SPATA13: variants seen among roughly 807,000 people sequenced by gnomAD.
SPATA13 encodes spermatogenesis-associated protein 13.
SPATA13 carries 50 observed loss-of-function variants against 104.0 expected under a neutral mutation model. The observed-to-expected ratio is 0.48, with a 90% CI of 0.38 to 0.61. SPATA13 has a LOEUF of 0.61. Among genes scored for constraint, SPATA13 ranks in the 20% least tolerant of loss-of-function variants. The pLI, the probability that SPATA13 is intolerant of heterozygous loss-of-function variation, is 0.00. For missense variants in SPATA13, 1,524 were observed against 1,690.6 expected (o/e 0.90, Z 1.73); for synonymous variants, 606 against 667.5 (o/e 0.91, Z 1.42).
At chr13:24,071,545 G>A (rs1455063508) in intron 3 of SPATA13, among the ~76,000 whole-genome samples, 4 of 152,300 alleles carry the variant, frequency 2.6e-5, no homozygotes, top group Non-Finnish European at 4.4e-5. Flanking sequence ...CTTCTGTCTG[G>A]TGGAACTAGG....
intron 4 of SPATA13, among the ~76,000 whole-genome samples, chr13:24,266,869 G>A (rs923397498): frequency 6.6e-5 from 10 of 150,608 alleles, no homozygotes; most frequent in African/African-American, 1.2e-4. Context: ...TCAGCTCTCC[G>A]CAGCCTCAAC....
intron 3 of SPATA13, among the ~76,000 whole-genome samples, chr13:24,097,093 G>A (rs573138570): frequency 4.1e-4 from 62 of 152,338 alleles, no homozygotes; most frequent in Non-Finnish European, 7.1e-4. Context: ...TGGAGTTGAA[G>A]TGAAATGGAG....
intron 1 of SPATA13, among the ~76,000 whole-genome samples, chr13:24,164,383 G>T (rs547362976): frequency 6.6e-6 from 1 of 152,264 alleles, no homozygotes; most frequent in South Asian, 2.1e-4. Context: ...GAACCTGCAG[G>T]GTATTGTTGA....
intron 3 of SPATA13, among the ~76,000 whole-genome samples, chr13:24,104,298 G>A (rs1880364964): frequency 6.6e-6 from 1 of 151,526 alleles, no homozygotes; most frequent in East Asian, 1.9e-4. Context: ...TTGACAAAAA[G>A]GATTTTACTT....
At chr13:24,190,513 C>T (rs1869665019) in intron 1 of SPATA13, among the ~76,000 whole-genome samples, 1 of 150,216 alleles carries the variant, frequency 6.7e-6, no homozygotes, top group African/African-American at 2.5e-5. Flanking sequence ...GTAAAAATAC[C>T]ACCCTTAACA....
intron 3 of SPATA13, among the ~76,000 whole-genome samples, chr13:24,134,561 T>C (rs749759906): frequency 6.6e-5 from 10 of 151,364 alleles, no homozygotes; most frequent in Non-Finnish European, 1.0e-4. Context: ...AGAGGAAAAT[T>C]GGTTTGTTTT....
chr13:23,998,156 T>C (rs1269733629), intron 2 of SPATA13, among the ~76,000 whole-genome samples: 1 of 152,206 alleles, frequency 6.6e-6, no homozygotes, highest in Non-Finnish European at 1.5e-5. Flanking sequence ...TTTTCTGAAG[T>C]CTTTGCACCA....
intron 1 of SPATA13, among the ~76,000 whole-genome samples, chr13:24,186,109 TGTTTG>T (rs1197783730): frequency 6.6e-6 from 1 of 152,044 alleles, no homozygotes; most frequent in Non-Finnish European, 1.5e-5. Context: ...TCCAGACTGG[TGTTTG>T]GCCAAATAAC....
chr13:24,270,284 C>T (rs376950306), intron 4 of SPATA13, among the ~76,000 whole-genome samples: 1 of 152,174 alleles, frequency 6.6e-6, no homozygotes, highest in East Asian at 1.9e-4. Flanking sequence ...ACATGTATGC[C>T]TTTACATGTA....
rs569733367 is a variant in SPATA13, at chr13:24,017,722, G to A, written c.-112+21G>A. 641 of 984,770 alleles carry A rather than the reference G, an allele frequency of 6.5e-4. 4 individuals carry two copies. In the Middle Eastern group the frequency reaches 6.8e-3, roughly 10 times the overall value. 61.0% of individuals were successfully genotyped at this position (984,770 alleles called of 1,614,324 possible). A position where few individuals can be genotyped will look rare whatever the true frequency, so the allele number is the denominator to read the frequency against. On this transcript the variant is annotated intron_variant, in intron 3 of 14. Coordinates refer to the SPATA13 transcript ENST00000424834. ...ACTCGGTAAGAAGGGCCTCGAGTCC[G>A]TTCTTCCCTCTCCTTCCTCCTTCTT...
In SPATA13 at chr13:24,088,315, A is replaced by G. The variant is rs910636227; in HGVS notation, c.-112+70614A>G. Among the ~76,000 whole-genome samples the G allele has an allele frequency of 1.3e-5, 2 of 152,168 alleles. No homozygotes were observed. Among genetic ancestry groups the G allele is most frequent in the African/African-American group, 4.8e-5 (2 of 41,430 alleles). Reference sequence around the variant, plus strand: ...CGGTAAGGAATTGGCCCGCAGTCACATGACTATTAAAGCATCTGAATTGGG... The same window carrying G: ...CGGTAAGGAATTGGCCCGCAGTCACGTGACTATTAAAGCATCTGAATTGGG... On this transcript the variant is annotated intron_variant, in intron 3 of 14. Coordinates refer to the SPATA13 transcript ENST00000424834. This position sits in a 1 kb window ranked among gnomAD's most constrained non-coding sequence, Gnocchi z 4.3.
intron 3 of SPATA13, among the ~76,000 whole-genome samples, chr13:24,116,734 G>A (rs1422550966): frequency 7.0e-6 from 1 of 142,782 alleles, no homozygotes. Context: ...AGACTTAACT[G>A]TGTCCCCCAA....
chr13:24,009,478 A>G (rs1454645525), intron 2 of SPATA13, among the ~76,000 whole-genome samples: 1 of 152,210 alleles, frequency 6.6e-6, no homozygotes, highest in Admixed American at 6.5e-5. Flanking sequence ...TATACATTTT[A>G]GGGAGACATG....
chr13:24,167,300 T>A (rs1882779599), intron 1 of SPATA13, among the ~76,000 whole-genome samples: 1 of 152,248 alleles, frequency 6.6e-6, no homozygotes, highest in Non-Finnish European at 1.5e-5. Context: ...TAATGAATGC[T>A]CGTTCAGTGT....
intron 1 of SPATA13, among the ~76,000 whole-genome samples, chr13:24,188,166 C>T (rs1293114458): frequency 6.6e-6 from 1 of 152,052 alleles, no homozygotes; most frequent in Non-Finnish European, 1.5e-5. Flanking sequence ...CATGGTGAAA[C>T]CCCATCTCTA....
rs780300027 is a variant in SPATA13 at position 24,251,754 on chromosome 13, C to G, written c.2056C>G (p.Pro686Ala). The change falls in exon 4 of 13, where the codon CCA (proline) becomes GCA (alanine). Residue 686 changes from proline (P) to alanine (A), a missense_variant. By Grantham distance (27) the Pro-to-Ala change is conservative. Transcript: ENST00000382108. ...GCCGCCCATGCCTGCTCACCAGGTG[C>G]CACCCTACAAGGCTGTGTCGGCCCG... The part of the protein sequence containing the change: ...SRPPMPAHQV[P>A]PYKAVSARFR... The G allele has an allele frequency of 6.2e-6, 10 of 1,614,070 alleles. No homozygotes were observed. Among genetic ancestry groups the G allele is most frequent in the Admixed American group, 5.0e-5 (3 of 59,996 alleles).
chr13:24,281,312 A>G (rs1393846257), intron 4 of SPATA13, among the ~76,000 whole-genome samples: 1 of 152,152 alleles, frequency 6.6e-6, no homozygotes, highest in African/African-American at 2.4e-5. Context: ...ACAGGCCCTG[A>G]CCTTTCCTGA....
At chr13:24,015,651 G>GT (rs1368773084) in intron 2 of SPATA13, among the ~76,000 whole-genome samples, 1 of 152,160 alleles carries the variant, frequency 6.6e-6, no homozygotes, top group East Asian at 1.9e-4. Context: ...ATCCCAGAAG[G>GT]TTTTTCCCTG....
intron 3 of SPATA13, among the ~76,000 whole-genome samples, chr13:24,022,047 CTTTCTTTTTTTTTTTT>C (rs1166494719): frequency 6.9e-6 from 1 of 144,700 alleles, no homozygotes; most frequent in Non-Finnish European, 1.5e-5. Flanking sequence ...TTTCTCTTTT[CTTTCTTTTTTTTTTTT>C]TTTCAAATGG....
Sources: allele counts gnomAD v4.1 joint callset (sites outside exome capture counted in the v4.1 genomes callset), GRCh38; gene constraint gnomAD v4.1.1; non-coding constraint Gnocchi (gnomAD v3.1); transcripts MANE v1.5; gene names NCBI Gene and HGNC (gene_info 2026-07-23, HGNC 2026-07-21).